Variants in CLCN4 observed in about 807,000 individuals in gnomAD.
CLCN4 encodes Cl-/H+ antiporter 4, also known as H(+)/Cl(-) exchange transporter 4.
Under a neutral mutation model 41.7 loss-of-function variants are expected in CLCN4, and 1 was observed. That is an observed-to-expected ratio of 0.02 (90% CI 0.01 to 0.11). The LOEUF (loss-of-function observed/expected upper bound fraction) is 0.11. Ranked by LOEUF, CLCN4 falls within the 10% of genes least tolerant of loss-of-function variation. CLCN4 has a pLI of 1.00. For missense variants in CLCN4, 287 were observed against 661.0 expected (o/e 0.43, Z 6.20); for synonymous variants, 277 against 285.8 (o/e 0.97, Z 0.31).
intron 5 of CLCN4, among the ~76,000 whole-genome samples, chrX:10,196,744 G>A (rs925583397): frequency 9.0e-6 from 1 of 111,481 alleles, no homozygotes; most frequent in Non-Finnish European, 1.9e-5. Context: ...GTTGATGGGA[G>A]CGGGCAGACA....
rs1034659760 is a variant in CLCN4, at chrX:10,185,190, C to T, written c.144+14C>T. ...AGACACAGGAAGGTAGGTGGCATTC[C>T]GAAAGGACACACTGCAAATGGCTAA... On this transcript the variant is annotated intron_variant, in intron 3 of 12. Coordinates refer to ENST00000380833, the MANE Select transcript of CLCN4 (RefSeq NM_001830.4). 6 of 1,187,791 alleles carry T rather than the reference C, an allele frequency of 5.1e-6. No homozygotes were observed. The highest frequency in any genetic ancestry group is 3.7e-5 in the South Asian group (2 of 53,920).
rs994097451 is a variant in CLCN4, at chrX:10,234,625, C to T, written c.*1041C>T. On this transcript the variant is annotated 3_prime_UTR_variant, in exon 13 of 13. Transcript: ENST00000380833. ...GCATATGCGTTGTCAGTTGGAATCC[C>T]TCCAAATGGATTGCAAGAGAAATAC... 4 of 112,650 alleles carry T rather than the reference C, an allele frequency of 3.6e-5. No homozygotes were observed. The highest frequency in any genetic ancestry group is 4.6e-3 in the Middle Eastern group (1 of 216). The allele number at this position is 112,650 out of a possible 1,213,427, so 9.3% of individuals were successfully genotyped here.
At chrX:10,223,858 C>T (rs1251332051) in intron 12 of CLCN4, among the ~76,000 whole-genome samples, 6 of 112,068 alleles carry the variant, frequency 5.4e-5, no homozygotes, top group East Asian at 2.8e-4. Flanking sequence ...GGATAGCTTT[C>T]GCAGAAGAGC....
intron 9 of CLCN4, among the ~76,000 whole-genome samples, chrX:10,210,054 G>A (rs763140283): frequency 9.0e-6 from 1 of 111,205 alleles, no homozygotes; most frequent in African/African-American, 3.3e-5. Flanking sequence ...CTCTAGATTC[G>A]CCTATTTTGG....
intron 12 of CLCN4, among the ~76,000 whole-genome samples, chrX:10,228,774 G>A (rs1307864240): frequency 8.9e-6 from 1 of 111,843 alleles, no homozygotes; most frequent in Non-Finnish European, 1.9e-5. Flanking sequence ...TAAGGTATGA[G>A]GTTGGCAGGG....
chrX:10,219,489 C>T (rs1313366908), intron 11 of CLCN4, among the ~76,000 whole-genome samples: 1 of 111,898 alleles, frequency 8.9e-6, no homozygotes, highest in African/African-American at 3.3e-5. Flanking sequence ...AGAATCATAC[C>T]CCATTTGATG....
At position 10,178,285 on chromosome X, in the gene CLCN4, A is replaced by T. The variant is rs993353786; in HGVS notation, c.-11-6737A>T. Among the ~76,000 whole-genome samples the T allele has an allele frequency of 3.6e-5, 4 of 112,004 alleles. No individual in the cohort carries two copies. The East Asian group carries it at 8.4e-4, about 23-fold the overall frequency. ...ACTTTAAAAGAGTACATCTTATGGT[A>T]TGTGAATTACCTCTTTAAAAATGCT... On this transcript the variant is annotated intron_variant, in intron 2 of 12. Transcript: ENST00000380833.
intron 12 of CLCN4, among the ~76,000 whole-genome samples, chrX:10,224,479 A>T (rs1924940869): frequency 9.0e-6 from 1 of 110,814 alleles, no homozygotes; most frequent in African/African-American, 3.3e-5. Flanking sequence ...GTGTTTAAAA[A>T]AAAAAAAGCC....
At chrX:10,217,812 G>T (rs184588973) in intron 11 of CLCN4, among the ~76,000 whole-genome samples, 1,224 of 106,180 alleles carry the variant, frequency 0.012, 24 homozygotes, top group African/African-American at 0.041. Context: ...GCGACATCTC[G>T]GCTCACCCCA....
At chrX:10,207,348 C>T (rs191368474) in intron 8 of CLCN4, among the ~76,000 whole-genome samples, 1 of 112,612 alleles carries the variant, frequency 8.9e-6, no homozygotes, top group East Asian at 2.8e-4. Flanking sequence ...GTAACCCAAA[C>T]GGGTTATTCC....
At chrX:10,195,447 GAGA>G (rs1312934008) in intron 5 of CLCN4, among the ~76,000 whole-genome samples, 1 of 111,437 alleles carries the variant, frequency 9.0e-6, no homozygotes, top group Non-Finnish European at 1.9e-5. Context: ...TCTTCTAATT[GAGA>G]AGAACATAAC....
intron 12 of CLCN4, among the ~76,000 whole-genome samples, chrX:10,229,709 A>G (rs1476440545): frequency 1.8e-5 from 2 of 111,110 alleles, no homozygotes; most frequent in African/African-American, 6.5e-5. Flanking sequence ...CCATGTCCCT[A>G]CAAAGGACAT....
chrX:10,222,790 C>A (rs778118158), intron 12 of CLCN4, among the ~76,000 whole-genome samples: 1 of 112,043 alleles, frequency 8.9e-6, no homozygotes, highest in East Asian at 2.8e-4. Flanking sequence ...GGGGGACAGG[C>A]TTTGCAATTT....
chrX:10,217,113 T>A (rs1327639209), intron 11 of CLCN4, among the ~76,000 whole-genome samples: 2 of 106,983 alleles, frequency 1.9e-5, no homozygotes, highest in East Asian at 2.9e-4. Context: ...TTTAAAAAAA[T>A]TTTTTGAGAC....
chrX:10,233,038 T>C (rs1925162695), intron 12 of CLCN4, among the ~76,000 whole-genome samples: 2 of 112,197 alleles, frequency 1.8e-5, no homozygotes, highest in Non-Finnish European at 3.8e-5. Flanking sequence ...CCTTTTAAAA[T>C]TGATTATAGT....
chrX:10,186,793 A>G (rs1348489850), intron 3 of CLCN4, among the ~76,000 whole-genome samples: 1 of 111,849 alleles, frequency 8.9e-6, no homozygotes, highest in Non-Finnish European at 1.9e-5. Flanking sequence ...ATAAAGTTTT[A>G]TTGGAACTCA....
intron 5 of CLCN4, among the ~76,000 whole-genome samples, chrX:10,197,372 T>C (rs1017755667): frequency 2.7e-5 from 3 of 111,723 alleles, no homozygotes; most frequent in Non-Finnish European, 5.6e-5. Context: ...GTGTCTGGTG[T>C]CTGGTTCAGC....
chrX:10,197,809 C>A, intron 5 of CLCN4, 130 bp from the exon 6 acceptor site: 1 of 798,136 alleles, frequency 1.3e-6, no homozygotes, highest in Non-Finnish European at 1.8e-6. Flanking sequence ...TTGGTTTATA[C>A]AGGACTGGGA....
At chrX:10,216,549 G>T (rs1428800471) in intron 11 of CLCN4, among the ~76,000 whole-genome samples, 4 of 110,925 alleles carry the variant, frequency 3.6e-5, no homozygotes, top group Non-Finnish European at 7.5e-5. Context: ...ATGATTAAAG[G>T]GTGGAAAGTT....
Sources: allele counts gnomAD v4.1 joint callset (sites outside exome capture counted in the v4.1 genomes callset), GRCh38; gene constraint gnomAD v4.1.1; transcripts MANE v1.5; gene names NCBI Gene and HGNC (gene_info 2026-07-23, HGNC 2026-07-21).